Variants in KAT8 observed in about 807,000 individuals in gnomAD.
KAT8 encodes the protein histone acetyltransferase KAT8.
KAT8 carries 40 observed loss-of-function variants against 62.9 expected under a neutral mutation model. The observed-to-expected ratio is 0.64, with a 90% confidence interval of 0.49 to 0.83. KAT8 has a LOEUF of 0.83. Among genes scored for constraint, KAT8 ranks in the 40% least tolerant of loss-of-function variants. KAT8 has a pLI of 0.00. For synonymous variants in KAT8, 278 were observed against 254.5 expected, an observed-to-expected ratio of 1.09 and a Z score of -0.88; for missense variants, 387 against 614.8, an observed-to-expected ratio of 0.63 and a Z score of 3.92.
intron 1 of KAT8, chr16:31,118,141 T>C: frequency 2.6e-6 from 1 of 384,450 alleles, no homozygotes; most frequent in Non-Finnish European, 4.6e-6. Context: ...ACCAGGATTG[T>C]TCCCATTCCA....
chr16:31,127,224 C>T lies in KAT8; in HGVS notation c.552C>T (p.Ile184=), dbSNP rs138118396. 510 of 1,614,220 alleles carry T rather than the reference C, an allele frequency of 3.2e-4. No individual in the cohort carries two copies. Among genetic ancestry groups the T allele is most frequent in the Middle Eastern group, 1.8e-3 (11 of 6,062 alleles). The change falls in exon 5 of 11, where the codon ATC becomes ATT. Residue 184 remains isoleucine (I), a synonymous_variant. Transcript: ENST00000219797. ...TGAAGTATGTGGACAAGATCCACAT[C>T]GGGAACTACGAAATTGATGCCTGGT... ...TKVKYVDKIH[I]GNYEIDAWYF...
rs202030048 is a variant in KAT8 at position 31,127,134 on chromosome 16, G to C, written c.516+46G>C. ...GCCTGCAGGTCCCCCGTCTCCCCTT[G>C]CCGAGGAGCCCCTGCTGAGCCGTGC... On this transcript the variant is annotated intron_variant, in intron 4 of 10. Transcript: ENST00000219797. The C allele has an allele frequency of 2.9e-4, 466 of 1,613,956 alleles. 5 individuals carry two copies. The Admixed American group carries it at 7.7e-3, about 27-fold the overall frequency.
At chr16:31,118,911 T>A (rs1483362542) in intron 1 of KAT8, among the ~76,000 whole-genome samples, 1 of 145,388 alleles carries the variant, frequency 6.9e-6, no homozygotes, top group South Asian at 2.2e-4. Context: ...TGAGACAGGA[T>A]CTCGCTCTGT....
chr16:31,121,757 TA>T (rs1258017430), intron 3 of KAT8, among the ~76,000 whole-genome samples: 2 of 151,990 alleles, frequency 1.3e-5, no homozygotes, highest in Admixed American at 6.6e-5. Context: ...ATATTATTGT[TA>T]TTTTTTTTTT....
chr16:31,124,137 T>C (rs1567435100), intron 3 of KAT8: 2 of 152,380 alleles, frequency 1.3e-5, no homozygotes, highest in East Asian at 1.9e-4. Flanking sequence ...AAATGTGTTT[T>C]AAAGAGATGT....
intron 3 of KAT8, among the ~76,000 whole-genome samples, chr16:31,125,096 G>A (rs1024013311): frequency 5.3e-5 from 8 of 151,850 alleles, no homozygotes; most frequent in East Asian, 1.9e-4. Flanking sequence ...GGAGGCTGAC[G>A]TAGGAGAATC....
intron 10 of KAT8, 65 bp from the exon 11 acceptor site, chr16:31,131,130 G>A (rs1212880764): frequency 6.2e-7 from 1 of 1,600,004 alleles, no homozygotes; most frequent in Non-Finnish European, 8.5e-7. Flanking sequence ...GCCCAGAGGA[G>A]GGCAGCCAGG....
Position 31,127,196 on chromosome 16 carries a change from A to G in KAT8, c.524A>G (p.Lys175Arg). 1 of 1,614,232 alleles carries G rather than the reference A, an allele frequency of 6.2e-7. No individual in the cohort carries two copies. The highest frequency in any genetic ancestry group is 8.5e-7 in the Non-Finnish European group (1 of 1,180,036). Reference sequence around the variant, plus strand: ...CTCCCACCCTGCCTGCAGATCACCAAGGTGAAGTATGTGGACAAGATCCAC... The same window carrying G: ...CTCCCACCCTGCCTGCAGATCACCAGGGTGAAGTATGTGGACAAGATCCAC... ...ALEKEHEAITKVKYVDKIHIG... is the reference protein window; with the variant it reads ...ALEKEHEAITRVKYVDKIHIG... The change falls in exon 5 of 11, where the codon AAG becomes AGG. Residue 175 changes from lysine to arginine, a missense_variant. Lys to Arg is a conservative substitution (Grantham distance 26, BLOSUM62 2). Transcript: ENST00000219797.
At position 31,128,033 on chromosome 16, in the gene KAT8, C is replaced by G; in HGVS notation, c.682-17C>G. 1 of 1,609,068 alleles carries G rather than the reference C, an allele frequency of 6.2e-7. No homozygotes were observed. The highest frequency in any genetic ancestry group is 8.5e-7 in the Non-Finnish European group (1 of 1,175,562). On this transcript the variant is annotated splice_polypyrimidine_tract_variant and intron_variant, in intron 5 of 10. Transcript: ENST00000219797. Reference sequence around the variant, plus strand: ...AGAACATATGGGCAGCGAACCTGTTCTCTTGTCCCCGACCAGGGTCAGTGC... The same window carrying G: ...AGAACATATGGGCAGCGAACCTGTTGTCTTGTCCCCGACCAGGGTCAGTGC...
At chr16:31,118,663 C>G (rs1280299642) in intron 1 of KAT8, 1 of 152,068 alleles carries the variant, frequency 6.6e-6, no homozygotes, top group East Asian at 1.9e-4. Context: ...AATTTTCTCT[C>G]TCTGTCTTCC....
At chr16:31,122,486 C>T (rs1295280980) in intron 3 of KAT8, 2 of 152,074 alleles carry the variant, frequency 1.3e-5, no homozygotes, top group African/African-American at 4.8e-5. Context: ...ATCGAACTTC[C>T]TATTGTAATG....
chr16:31,131,333 AT>A lies in KAT8; in HGVS notation c.*81del. 2.6e-6 allele frequency: 4 copies of A among 1,553,868 alleles called. No homozygotes were observed. The highest frequency in any genetic ancestry group is 3.5e-6 in the Non-Finnish European group (4 of 1,135,632). ...TAAATATGTATAGACCTGTTTTGTCATTTTTTTAATAAAGTCAGTTCTGGTG... is the reference window on the plus strand; with the variant it reads ...TAAATATGTATAGACCTGTTTTGTCATTTTTTAATAAAGTCAGTTCTGGTG... On this transcript the variant is annotated 3_prime_UTR_variant, in exon 11 of 11. Coordinates refer to ENST00000219797, the MANE Select transcript of KAT8 (RefSeq NM_032188.3).
intron 3 of KAT8, chr16:31,125,514 G>C (rs2057526108): frequency 7.0e-6 from 1 of 143,258 alleles, no homozygotes; most frequent in Non-Finnish European, 1.5e-5. Context: ...TGAGGCAGGA[G>C]AATTGCTTGA....
chr16:31,121,684 C>T lies in KAT8; in HGVS notation c.462+1170C>T, dbSNP rs541103199. 7.2e-5 allele frequency among the ~76,000 whole-genome samples: 11 copies of T among 152,124 alleles called. No individual in the cohort carries two copies. In the East Asian group the frequency reaches 1.5e-3, roughly 21 times the overall value. On this transcript the variant is annotated intron_variant, in intron 3 of 10. Coordinates refer to ENST00000219797, the MANE Select transcript of KAT8 (RefSeq NM_032188.3). ...GCCTTAGCCTTCTAAGTAGCTGGGACTACAGGAGTGCATCCCTGTACCTGC... is the reference window on the plus strand; with the variant it reads ...GCCTTAGCCTTCTAAGTAGCTGGGATTACAGGAGTGCATCCCTGTACCTGC...
At chr16:31,126,537 G>A (rs1229101580) in intron 3 of KAT8, 1 of 166,162 alleles carries the variant, frequency 6.0e-6, no homozygotes, top group Non-Finnish European at 1.3e-5. Context: ...TTGCAGGGAG[G>A]AGTGATGAGG....
At position 31,128,288 on chromosome 16, in the gene KAT8, C is replaced by A; in HGVS notation, c.771+149C>A. ...AGGGGCCGGGCACTGCAGCTCACACCTGTAATCCTAGCACTTTTGGAGGCT... is the reference window on the plus strand; with the variant it reads ...AGGGGCCGGGCACTGCAGCTCACACATGTAATCCTAGCACTTTTGGAGGCT... On this transcript the variant is annotated intron_variant, in intron 6 of 10. Transcript: ENST00000219797. The A allele has an allele frequency of 1.5e-6, 1 of 647,112 alleles. No homozygotes were observed. The highest frequency in any genetic ancestry group is 2.8e-6 in the Non-Finnish European group (1 of 361,610). 40.1% of individuals were successfully genotyped at this position (647,112 alleles called of 1,614,324 possible).
chr16:31,122,025 A>T, intron 3 of KAT8, among the ~76,000 whole-genome samples: 1 of 152,198 alleles, frequency 6.6e-6, no homozygotes, highest in East Asian at 1.9e-4. Flanking sequence ...TGCTGGGATT[A>T]CAGGTGTGAG....
chr16:31,126,089 GAT>G (rs2057529734), intron 3 of KAT8: 1 of 152,250 alleles, frequency 6.6e-6, no homozygotes, highest in East Asian at 1.9e-4. Flanking sequence ...AGTGACAAAG[GAT>G]AGATCACAAA....
intron 3 of KAT8, chr16:31,125,666 G>A (rs1484453455): frequency 1.3e-5 from 2 of 148,346 alleles, no homozygotes; most frequent in Non-Finnish European, 3.0e-5. Context: ...AGGATTAAAT[G>A]AGGCCATATA....
Sources: allele counts gnomAD v4.1 joint callset (sites outside exome capture counted in the v4.1 genomes callset), GRCh38; gene constraint gnomAD v4.1.1; transcripts MANE v1.5; gene names NCBI Gene and HGNC (gene_info 2026-07-23, HGNC 2026-07-21).